ASIC2: variants seen among roughly 807,000 people sequenced by gnomAD.
The protein encoded by ASIC2 is acid-sensing ion channel 2.
ASIC2 carries 25 observed loss-of-function variants against 57.3 expected under a neutral mutation model. The ratio of observed to expected loss-of-function variants is 0.44; its 90% CI spans 0.32 to 0.61. The LOEUF (loss-of-function observed/expected upper bound fraction) is 0.61, where lower values mean the gene tolerates loss of function less well. Among genes scored for constraint, ASIC2 ranks in the 20% least tolerant of loss-of-function variants. The pLI, the probability that ASIC2 is intolerant of heterozygous loss-of-function variation, is 0.06. For missense variants in ASIC2, 641 were observed against 738.1 expected (o/e 0.87, Z 1.52); for synonymous variants, 319 against 307.5 (o/e 1.04, Z -0.39).
chr17:33,519,099 C>T (rs560328817), intron 1 of ASIC2, among the ~76,000 whole-genome samples: 2 of 152,176 alleles, frequency 1.3e-5, no homozygotes, highest in African/African-American at 4.8e-5. Flanking sequence ...GGATTACAGG[C>T]GTGAGCCACC....
chr17:33,711,827 ATTCAAC>A (rs1417959945), intron 1 of ASIC2, among the ~76,000 whole-genome samples: 1 of 152,260 alleles, frequency 6.6e-6, no homozygotes, highest in East Asian at 1.9e-4. Flanking sequence ...TGGAATTACA[ATTCAAC>A]ATGAGATTTG....
chr17:34,010,368 C>T (rs1906670077), intron 1 of ASIC2, among the ~76,000 whole-genome samples: 1 of 152,150 alleles, frequency 6.6e-6, no homozygotes, highest in African/African-American at 2.4e-5. Context: ...CTAGTGGCCT[C>T]CCCTTCTGAA....
chr17:33,248,507 T>C (rs1336731560), intron 1 of ASIC2, among the ~76,000 whole-genome samples: 2 of 152,140 alleles, frequency 1.3e-5, no homozygotes, highest in Non-Finnish European at 2.9e-5. Context: ...CTGTAACAAA[T>C]TACTATAAAC....
chr17:33,260,566 G>A, intron 1 of ASIC2, among the ~76,000 whole-genome samples: 1 of 152,218 alleles, frequency 6.6e-6, no homozygotes, highest in Non-Finnish European at 1.5e-5. Flanking sequence ...CAGGGGGGCG[G>A]GGAATACGAG....
At chr17:33,331,524 T>C (rs897382775) in intron 1 of ASIC2, among the ~76,000 whole-genome samples, 1 of 152,220 alleles carries the variant, frequency 6.6e-6, no homozygotes, top group Non-Finnish European at 1.5e-5. Context: ...TTCTGAATAA[T>C]TAGTTTCTGA....
At chr17:33,599,696 CAG>C (rs898177536) in intron 1 of ASIC2, among the ~76,000 whole-genome samples, 4 of 152,162 alleles carry the variant, frequency 2.6e-5, no homozygotes, top group African/African-American at 9.7e-5. Context: ...GCATCACAAA[CAG>C]AGCAGTGGAA....
At chr17:33,546,754 G>A (rs1915590425) in intron 1 of ASIC2, among the ~76,000 whole-genome samples, 1 of 152,130 alleles carries the variant, frequency 6.6e-6, no homozygotes, top group African/African-American at 2.4e-5. Context: ...AAGAGATGGG[G>A]CTTGAAACAT....
intron 1 of ASIC2, among the ~76,000 whole-genome samples, chr17:33,736,343 A>C (rs910667421): frequency 3.3e-5 from 5 of 152,100 alleles, no homozygotes; most frequent in African/African-American, 1.2e-4. Flanking sequence ...TTCCTACTCT[A>C]TGAATTTATG....
At chr17:33,242,650 G>A (rs368714226) in intron 1 of ASIC2, among the ~76,000 whole-genome samples, 1 of 152,164 alleles carries the variant, frequency 6.6e-6, no homozygotes, top group African/African-American at 2.4e-5. Flanking sequence ...ACATTCATGA[G>A]AGTAATCCCG....
intron 1 of ASIC2, among the ~76,000 whole-genome samples, chr17:33,462,370 A>G (rs1912667511): frequency 6.6e-6 from 1 of 152,212 alleles, no homozygotes; most frequent in Non-Finnish European, 1.5e-5. Flanking sequence ...ATGTTTGATT[A>G]TATTTTTCAC....
chr17:33,102,748 C>T (rs1314014664), intron 2 of ASIC2, among the ~76,000 whole-genome samples: 1 of 152,084 alleles, frequency 6.6e-6, no homozygotes, highest in African/African-American at 2.4e-5. Flanking sequence ...AAAAAGTTTG[C>T]AATCACATTT....
At chr17:33,946,279 T>C (rs995722373) in intron 1 of ASIC2, among the ~76,000 whole-genome samples, 3 of 152,020 alleles carry the variant, frequency 2.0e-5, no homozygotes, top group Admixed American at 2.0e-4. Context: ...TCTTGTCATC[T>C]TACCATGGGT....
At chr17:33,393,099 C>T (rs1354890586) in intron 1 of ASIC2, among the ~76,000 whole-genome samples, 1 of 152,166 alleles carries the variant, frequency 6.6e-6, no homozygotes, top group African/African-American at 2.4e-5. Context: ...TCCTTGCTGC[C>T]TTGTCCGGTT....
At chr17:33,913,182 T>C (rs2141960315) in intron 1 of ASIC2, among the ~76,000 whole-genome samples, 1 of 151,798 alleles carries the variant, frequency 6.6e-6, no homozygotes, top group Admixed American at 6.6e-5. Flanking sequence ...ACCTTAAGGG[T>C]TTAGAGGAAT....
At chr17:33,052,624 C>T (rs2091981554) in intron 3 of ASIC2, among the ~76,000 whole-genome samples, 2 of 152,078 alleles carry the variant, frequency 1.3e-5, no homozygotes, top group South Asian at 4.2e-4. Context: ...ACCCAGTGAC[C>T]TCCAGGGTAT....
At chr17:33,883,335 A>G (rs1914750278) in intron 1 of ASIC2, among the ~76,000 whole-genome samples, 1 of 152,234 alleles carries the variant, frequency 6.6e-6, no homozygotes, top group Admixed American at 6.5e-5. Context: ...TCCACACAAG[A>G]TTGCAGATTT....
At chr17:33,419,926 A>C (rs1910987407) in intron 1 of ASIC2, among the ~76,000 whole-genome samples, 1 of 152,178 alleles carries the variant, frequency 6.6e-6, no homozygotes, top group Non-Finnish European at 1.5e-5. Context: ...TGGTCCATTC[A>C]CAGACACAAG....
At chr17:33,985,106 A>C (rs1413599668) in intron 1 of ASIC2, among the ~76,000 whole-genome samples, 2 of 152,200 alleles carry the variant, frequency 1.3e-5, no homozygotes, top group Non-Finnish European at 2.9e-5. Flanking sequence ...TGTCAAGAGA[A>C]TTTTAATTGA....
At chr17:33,732,491 G>C (rs1209092979) in intron 1 of ASIC2, among the ~76,000 whole-genome samples, 1 of 148,500 alleles carries the variant, frequency 6.7e-6, no homozygotes, top group Admixed American at 6.7e-5. Flanking sequence ...AGATGCAGGC[G>C]CTAAGGAAAT....
Sources: allele counts gnomAD v4.1 joint callset (sites outside exome capture counted in the v4.1 genomes callset), GRCh38; gene constraint gnomAD v4.1.1; transcripts MANE v1.5; gene names NCBI Gene and HGNC (gene_info 2026-07-23, HGNC 2026-07-21).